The following NTM variants were observed in gnomAD, a reference collection of about 807,000 sequenced individuals.
NTM encodes the protein neurotrimin.
NTM carries 13 observed loss-of-function variants against 42.1 expected under a neutral mutation model. The ratio of observed to expected loss-of-function variants is 0.31; its 90% CI spans 0.20 to 0.49. The LOEUF is 0.49. Among genes scored for constraint, NTM ranks in the 20% least tolerant of loss-of-function variants. The pLI is 0.99. For synonymous variants in NTM, 187 were observed against 179.2 expected (o/e 1.04, Z -0.35); for missense variants, 373 against 452.8 (o/e 0.82, Z 1.60).
intron 1 of NTM, among the ~76,000 whole-genome samples, chr11:131,402,743 T>C (rs1945384447): frequency 6.6e-6 from 1 of 152,202 alleles, no homozygotes; most frequent in African/African-American, 2.4e-5. Context: ...TGACATATCC[T>C]CTGGCCATAT....
chr11:131,514,745 C>T (rs905585985), intron 1 of NTM, among the ~76,000 whole-genome samples: 37 of 152,028 alleles, frequency 2.4e-4, no homozygotes, highest in African/African-American at 8.7e-4. Flanking sequence ...CATGCTACCA[C>T]GCCTGACTAA....
chr11:131,678,855 C>G (rs1263753868), intron 1 of NTM, among the ~76,000 whole-genome samples: 2 of 152,180 alleles, frequency 1.3e-5, no homozygotes, highest in Non-Finnish European at 2.9e-5. Context: ...CGGGACGGGG[C>G]CTGCACATCG....
chr11:131,777,018 A>G, intron 1 of NTM: 1 of 515,472 alleles, frequency 1.9e-6, no homozygotes, highest in South Asian at 8.6e-5. Context: ...CATATACTAC[A>G]AAAGGTTGAA....
At chr11:131,434,044 G>A (rs949688631) in intron 1 of NTM, among the ~76,000 whole-genome samples, 3 of 152,044 alleles carry the variant, frequency 2.0e-5, no homozygotes, top group African/African-American at 7.3e-5. Flanking sequence ...GAGAACATGC[G>A]GTGTTTGGTT....
At chr11:132,011,586 C>A (rs891102229) in intron 2 of NTM, among the ~76,000 whole-genome samples, 3 of 152,160 alleles carry the variant, frequency 2.0e-5, no homozygotes, top group African/African-American at 7.2e-5. Context: ...GTGTACCTGA[C>A]CTTTACAAGC....
intron 1 of NTM, among the ~76,000 whole-genome samples, chr11:131,702,283 A>G (rs1374109019): frequency 1.3e-5 from 2 of 152,254 alleles, no homozygotes; most frequent in African/African-American, 4.8e-5. Flanking sequence ...AAAGTACGGT[A>G]GTGATGAAGT....
At chr11:132,271,740 CTTT>C (rs56312772) in intron 4 of NTM, among the ~76,000 whole-genome samples, 19 of 131,882 alleles carry the variant, frequency 1.4e-4, no homozygotes, top group African/African-American at 3.1e-4. Context: ...ATTGGGTTGT[CTTT>C]TTTTTTTTTT....
chr11:131,507,691 A>G (rs1466765812), intron 1 of NTM, among the ~76,000 whole-genome samples: 120 of 148,390 alleles, frequency 8.1e-4, no homozygotes, highest in Middle Eastern at 3.5e-3. Flanking sequence ...ACCCATGAGC[A>G]TGGAATGTTC....
chr11:132,326,028 G>A (rs1044252722), intron 7 of NTM, among the ~76,000 whole-genome samples: 7 of 150,624 alleles, frequency 4.6e-5, no homozygotes, highest in Non-Finnish European at 8.9e-5. Context: ...GGGGTGGGGG[G>A]ACGGGGGAGG....
intron 6 of NTM, among the ~76,000 whole-genome samples, chr11:132,313,547 A>G (rs979694406): frequency 6.6e-6 from 1 of 152,136 alleles, no homozygotes; most frequent in Non-Finnish European, 1.5e-5. Flanking sequence ...TGTTTGTTTC[A>G]GGGAAAAAGT....
intron 2 of NTM, chr11:131,981,347 T>G (rs2134908270): frequency 6.6e-6 from 1 of 152,342 alleles, no homozygotes; most frequent in East Asian, 1.9e-4. Flanking sequence ...GTGCCTCTGT[T>G]TGACCACATG....
intron 2 of NTM, among the ~76,000 whole-genome samples, chr11:131,946,031 A>C (rs2060309109): frequency 6.6e-6 from 1 of 152,172 alleles, no homozygotes; most frequent in South Asian, 2.1e-4. Flanking sequence ...GTTACATAAG[A>C]GGAAGATTGA....
rs553890447 is a variant in NTM, at chr11:131,630,417, A to G, written c.82+259529A>G. Among the ~76,000 whole-genome samples, 4 of 151,872 alleles carry G rather than the reference A, an allele frequency of 2.6e-5. No homozygotes were observed. The East Asian group carries it at 5.9e-4, about 22-fold the overall frequency. ...ATTGAATCTAGGGAAAACCTTGGAA[A>G]TATTCAAGTTTGCTTTGACTTTTCT... On this transcript the variant is annotated intron_variant, in intron 1 of 8. Coordinates refer to ENST00000683400, the MANE Select transcript of NTM (RefSeq NM_001352005.2).
intron 3 of NTM, among the ~76,000 whole-genome samples, chr11:132,191,157 A>T (rs1346231153): frequency 6.6e-6 from 1 of 152,160 alleles, no homozygotes; most frequent in Non-Finnish European, 1.5e-5. Context: ...CCCCTCTGGA[A>T]TGCTTATGCT....
At chr11:131,708,631 G>A (rs1205513298) in intron 1 of NTM, among the ~76,000 whole-genome samples, 1 of 151,940 alleles carries the variant, frequency 6.6e-6, no homozygotes, top group African/African-American at 2.4e-5. Context: ...AATACCCAAG[G>A]GAATGATTAC....
intron 1 of NTM, among the ~76,000 whole-genome samples, chr11:131,862,692 C>T (rs1397233356): frequency 6.6e-6 from 1 of 152,196 alleles, no homozygotes; most frequent in East Asian, 1.9e-4. Context: ...ATAGCAAAGG[C>T]TGTGACTTTT....
intron 1 of NTM, among the ~76,000 whole-genome samples, chr11:131,403,020 T>C (rs1174823392): frequency 6.6e-6 from 1 of 152,254 alleles, no homozygotes; most frequent in Non-Finnish European, 1.5e-5. Context: ...AAATCCAATT[T>C]AATTGCAGTA....
At chr11:132,195,559 C>T (rs2080066513) in intron 3 of NTM, among the ~76,000 whole-genome samples, 1 of 151,252 alleles carries the variant, frequency 6.6e-6, no homozygotes, top group South Asian at 2.1e-4. Context: ...TCAAACTATA[C>T]TACAAGGCTA....
intron 5 of NTM, 93 bp from the exon 6 acceptor site, chr11:132,310,019 G>T: frequency 7.0e-7 from 1 of 1,433,386 alleles, no homozygotes. Context: ...TCATGCCACT[G>T]CATTCCAGCC....
Sources: gnomAD v4.1 joint callset for allele counts (sites outside exome capture counted in the v4.1 genomes callset) on GRCh38, gnomAD v4.1.1 for gene constraint, MANE v1.5 for transcripts, NCBI Gene and HGNC (gene_info 2026-07-23, HGNC 2026-07-21) for gene names.